The following SSUH2 variants were observed in gnomAD, a reference collection of about 807,000 sequenced individuals.
SSUH2 encodes the protein ssu-2 homolog.
Under a neutral mutation model 55.3 loss-of-function variants are expected in SSUH2, and 47 were observed. That is an observed-to-expected ratio of 0.85 (90% CI 0.67 to 1.08). SSUH2 has a LOEUF of 1.08. Among genes scored for constraint, SSUH2 ranks in the 50% least tolerant of loss-of-function variants. The pLI is 0.00. For synonymous variants in SSUH2, 212 were observed against 191.5 expected (o/e 1.11, Z -0.89); for missense variants, 535 against 490.7 (o/e 1.09, Z -0.85).
chr3:8,666,242 A>G (rs1342961815), intron 5 of SSUH2, among the ~76,000 whole-genome samples: 1 of 152,242 alleles, frequency 6.6e-6, no homozygotes, highest in African/African-American at 2.4e-5. Flanking sequence ...ACTAAAAAGA[A>G]ACGTTTAGCA....
chr3:8,649,057 A>T (rs1161706269), upstream of SSUH2, among the ~76,000 whole-genome samples: 4 of 151,948 alleles, frequency 2.6e-5, no homozygotes, highest in African/African-American at 9.7e-5. Flanking sequence ...CTGAGCCCCT[A>T]CCCTCCAACA....
chr3:8,668,431 T>C (rs887677168), intron 5 of SSUH2, among the ~76,000 whole-genome samples: 1 of 152,240 alleles, frequency 6.6e-6, no homozygotes, highest in Non-Finnish European at 1.5e-5. Flanking sequence ...GATTATTGTC[T>C]TAAATGTTTA....
At position 8,673,126 on chromosome 3, in the gene SSUH2, C is replaced by T. The variant is rs558695628; in HGVS notation, c.-752-1091G>A. Reference sequence around the variant, plus strand: ...TTATTAATATTAATATTAATTATTACAAGCTAATATTACTGTTTTCTAATG... The same window carrying T: ...TTATTAATATTAATATTAATTATTATAAGCTAATATTACTGTTTTCTAATG... On this transcript the variant is annotated intron_variant, in intron 3 of 18. Coordinates refer to the SSUH2 transcript ENST00000317371. 6.3e-4 allele frequency among the ~76,000 whole-genome samples: 96 copies of T among 151,900 alleles called. 1 individual carries two copies. The highest frequency in any genetic ancestry group is 2.1e-3 in the African/African-American group (85 of 41,408).
At chr3:8,625,744 T>G (rs1451747766) in intron 9 of SSUH2, 97 bp from the exon 10 acceptor site, 10 of 808,062 alleles carry the variant, frequency 1.2e-5, no homozygotes, top group Non-Finnish European at 2.1e-5. Context: ...GGGCTTGAAT[T>G]GCTACTGGAG....
intron 7 of SSUH2, among the ~76,000 whole-genome samples, chr3:8,654,477 T>A (rs959225534): frequency 6.6e-6 from 1 of 152,248 alleles, no homozygotes; most frequent in Non-Finnish European, 1.5e-5. Context: ...CTCCTCTCAA[T>A]AGACACCCAA....
intron 2 of SSUH2, among the ~76,000 whole-genome samples, chr3:8,679,047 G>A (rs1284018211): frequency 3.0e-4 from 28 of 94,544 alleles, no homozygotes; most frequent in South Asian, 1.2e-3. Context: ...GACACCAAAC[G>A]CAGGGGAGGA....
intron 11 of SSUH2, among the ~76,000 whole-genome samples, chr3:8,621,043 T>A (rs1424519499): frequency 1.3e-5 from 2 of 152,328 alleles, no homozygotes; most frequent in South Asian, 2.1e-4. Flanking sequence ...TAGGCTCCCA[T>A]CTGTACTGGC....
At chr3:8,635,957 G>T in intron 1 of SSUH2, 100 bp from the exon 2 acceptor site, 1 of 1,042,348 alleles carries the variant, frequency 9.6e-7, no homozygotes, top group Non-Finnish European at 1.4e-6. Context: ...ATTATAAAAA[G>T]CCTCACGTTT....
intron 3 of SSUH2, among the ~76,000 whole-genome samples, chr3:8,674,002 T>C (rs1704925028): frequency 6.6e-6 from 1 of 152,210 alleles, no homozygotes; most frequent in African/African-American, 2.4e-5. Context: ...CTTTAGTCCG[T>C]CAAAGCGCGG....
chr3:8,633,632 C>T (rs2276801), intron 4 of SSUH2, 34 bp downstream of exon 4: 367,825 of 1,481,212 alleles, frequency 0.25, 47,384 homozygotes, highest in South Asian at 0.38. Flanking sequence ...CCCAGCCCCC[C>T]GGCCAAGGCC....
intron 5 of SSUH2, among the ~76,000 whole-genome samples, chr3:8,668,623 T>C (rs1422339826): frequency 1.3e-5 from 2 of 152,212 alleles, no homozygotes; most frequent in African/African-American, 4.8e-5. Flanking sequence ...AAACAAGCAG[T>C]GAGTACAATT....
Position 8,621,762 on chromosome 3 carries a change from C to T in SSUH2, c.982-1748G>A, listed in dbSNP as rs79386090. Among the ~76,000 whole-genome samples, 1,327 of 152,208 alleles carry T rather than the reference C, an allele frequency of 8.7e-3. 34 individuals carry two copies. The highest frequency in any genetic ancestry group is 0.031 in the African/African-American group (1,271 of 41,526). ...TTTCGGAAATAAAAGTTGGAAGATG[C>T]CTCTTGAAATTTCAGTGCAAAGGAC... is the stretch of plus-strand genomic sequence containing the variant. On this transcript the variant is annotated intron_variant, in intron 11 of 11. Coordinates refer to ENST00000544814, the MANE Select transcript of SSUH2 (RefSeq NM_001256748.3).
intron 9 of SSUH2, 37 bp downstream of exon 9, chr3:8,626,191 AC>A: frequency 7.7e-6 from 12 of 1,555,156 alleles, no homozygotes; most frequent in Non-Finnish European, 1.1e-5. Flanking sequence ...TCCCTCAGCC[AC>A]CCCCGCATGC....
chr3:8,654,221 C>T (rs765382217), intron 7 of SSUH2, among the ~76,000 whole-genome samples: 1 of 152,162 alleles, frequency 6.6e-6, no homozygotes, highest in Non-Finnish European at 1.5e-5. Context: ...TAGAAAGGCA[C>T]TAATTCCATC....
intron 6 of SSUH2, chr3:8,659,668 T>C (rs907423127): frequency 9.5e-6 from 4 of 422,826 alleles, no homozygotes; most frequent in African/African-American, 8.1e-5. Flanking sequence ...ACCCAAACCC[T>C]CAATGGGCAT....
chr3:8,638,622 A>G (rs1700322858), intron 1 of SSUH2, among the ~76,000 whole-genome samples: 1 of 152,154 alleles, frequency 6.6e-6, no homozygotes, highest in Non-Finnish European at 1.5e-5. Context: ...ACTCCCTCCT[A>G]TGCAAAACAG....
intron 1 of SSUH2, among the ~76,000 whole-genome samples, chr3:8,639,341 G>A (rs184902691): frequency 7.9e-5 from 12 of 152,284 alleles, no homozygotes; most frequent in East Asian, 3.9e-4. Flanking sequence ...TGTGCTTCAC[G>A]ATAACCAGTT....
In SSUH2 at chr3:8,635,789, G is replaced by A. The variant is rs1382629213; in HGVS notation, c.97C>T (p.Pro33Ser). 3 of 1,535,964 alleles carry A rather than the reference G, an allele frequency of 2.0e-6. No homozygotes were observed. Among genetic ancestry groups the A allele is most frequent in the Non-Finnish European group, 1.7e-6 (2 of 1,146,826 alleles). ...APPTELLERL[P>S]SYDWLLQGGR... ...CCTTGAAGAAGCCAGTCATAGCTGG[G>A]CAGTCTCTCCAGGAGCTCTGTGGGG... The change falls in exon 2 of 12, where the codon CCC becomes TCC. Residue 33 changes from proline (P) to serine (S), a missense_variant. Pro to Ser is a moderately conservative substitution (Grantham distance 74). Transcript: ENST00000544814.
At chr3:8,667,031 G>T (rs780095271) in intron 5 of SSUH2, among the ~76,000 whole-genome samples, 17 of 152,212 alleles carry the variant, frequency 1.1e-4, no homozygotes, top group Non-Finnish European at 2.2e-4. Context: ...GTCCACGCAC[G>T]TTCTCTGCTT....
Sources: gnomAD v4.1 joint callset for allele counts (sites outside exome capture counted in the v4.1 genomes callset) on GRCh38, gnomAD v4.1.1 for gene constraint, MANE v1.5 for transcripts, NCBI Gene and HGNC (gene_info 2026-07-23, HGNC 2026-07-21) for gene names.